Variants in ROBO1 observed in about 807,000 individuals in gnomAD.
ROBO1 encodes the protein roundabout homolog 1.
ROBO1 carries 149 observed loss-of-function variants against 195.9 expected under a neutral mutation model. The observed-to-expected ratio is 0.76, with a 90% confidence interval of 0.67 to 0.87. The LOEUF is 0.87. ROBO1 is among the 40% of genes least tolerant of loss of function. The pLI is 0.00. For synonymous variants in ROBO1, 816 were observed against 733.2 expected (o/e 1.11, Z -1.82); for missense variants, 1,933 against 2,068.3 (o/e 0.93, Z 1.27).
intron 2 of ROBO1, among the ~76,000 whole-genome samples, chr3:79,288,411 T>A (rs1041816003): frequency 1.3e-5 from 2 of 152,104 alleles, no homozygotes; most frequent in Admixed American, 6.5e-5. Flanking sequence ...AAGAAAAAAA[T>A]AAAAAACAGA....
intron 3 of ROBO1, among the ~76,000 whole-genome samples, chr3:79,049,449 A>C (rs1394103856): frequency 6.6e-6 from 1 of 152,234 alleles, no homozygotes; most frequent in African/African-American, 2.4e-5. Flanking sequence ...GATGGAGAGA[A>C]TGAAACCAAG....
chr3:79,468,652 C>T (rs954086247), intron 2 of ROBO1, among the ~76,000 whole-genome samples: 2 of 151,940 alleles, frequency 1.3e-5, no homozygotes, highest in African/African-American at 4.8e-5. Flanking sequence ...TTATTGAGCA[C>T]CTAAAATAAA....
chr3:79,213,278 C>T (rs2081998030), intron 2 of ROBO1, among the ~76,000 whole-genome samples: 1 of 151,964 alleles, frequency 6.6e-6, no homozygotes, highest in South Asian at 2.1e-4. Flanking sequence ...AGCTAAAGCT[C>T]ACCAAGTTAG....
chr3:79,085,970 G>A (rs1021981184), intron 3 of ROBO1, among the ~76,000 whole-genome samples: 1 of 152,048 alleles, frequency 6.6e-6, no homozygotes, highest in East Asian at 1.9e-4. Context: ...TAACTTCTCT[G>A]TTTGTTAATG....
At chr3:79,221,845 C>T (rs989723837) in intron 2 of ROBO1, among the ~76,000 whole-genome samples, 2 of 151,952 alleles carry the variant, frequency 1.3e-5, no homozygotes, top group Admixed American at 6.6e-5. Context: ...TATATATTTG[C>T]TGCAGAAATA....
At chr3:78,881,341 A>C (rs905800958) in intron 4 of ROBO1, among the ~76,000 whole-genome samples, 4 of 152,130 alleles carry the variant, frequency 2.6e-5, no homozygotes, top group Admixed American at 2.6e-4. Context: ...CACCTCATAG[A>C]CTGCGCTTTT....
chr3:79,391,792 T>G (rs1323458478), intron 2 of ROBO1, among the ~76,000 whole-genome samples: 1 of 152,090 alleles, frequency 6.6e-6, no homozygotes, highest in Non-Finnish European at 1.5e-5. Flanking sequence ...ATCATAATTG[T>G]TTTTCTCTAT....
intron 30 of ROBO1, among the ~76,000 whole-genome samples, chr3:78,599,677 A>G (rs1025579009): frequency 7.2e-5 from 11 of 152,212 alleles, no homozygotes; most frequent in Non-Finnish European, 1.6e-4. Context: ...TCAGAAGTGT[A>G]AAGGTGAAGG....
intron 2 of ROBO1, among the ~76,000 whole-genome samples, chr3:79,133,235 T>G (rs1271567487): frequency 7.1e-5 from 5 of 70,038 alleles, no homozygotes; most frequent in African/African-American, 1.2e-4. Context: ...TGGCCTGCCT[T>G]GCTAGATTGG....
At chr3:79,628,420 G>A (rs1945243555) in intron 1 of ROBO1, among the ~76,000 whole-genome samples, 1 of 152,068 alleles carries the variant, frequency 6.6e-6, no homozygotes, top group East Asian at 1.9e-4. Context: ...ACTCATAAGT[G>A]GAAGTTGAAC....
chr3:78,985,808 A>G (rs2077093057), intron 3 of ROBO1, among the ~76,000 whole-genome samples: 1 of 152,174 alleles, frequency 6.6e-6, no homozygotes, highest in South Asian at 2.1e-4. Flanking sequence ...TGCAGACAGT[A>G]ACAAGGCTCG....
At chr3:78,620,562 CT>C (rs1288518979) in intron 26 of ROBO1, among the ~76,000 whole-genome samples, 2 of 152,068 alleles carry the variant, frequency 1.3e-5, no homozygotes, top group African/African-American at 4.8e-5. Flanking sequence ...TGAATTTGAA[CT>C]TTGATAAATC....
At position 78,938,900 on chromosome 3, in the gene ROBO1, G is replaced by A. The variant is rs774472079; in HGVS notation, c.200C>T (p.Pro67Leu). 3 of 1,608,914 alleles carry A rather than the reference G, an allele frequency of 1.9e-6. No individual in the cohort carries two copies. Among genetic ancestry groups the A allele is most frequent in the Non-Finnish European group, 2.5e-6 (3 of 1,176,776 alleles). ...TGSRLRQEDF[P>L]PRIVEHPSDL... ...TGAAGGGTGTTCAACAATGCGAGGT[G>A]GAAAATCTTCCTGACGAAGACGGGA... Residue 67 changes from proline to leucine, a missense_variant, in exon 4 of 31, where the codon CCA (proline) becomes CTA (leucine). By Grantham distance (98) the Pro-to-Leu change is moderately conservative. Transcript: ENST00000464233.
intron 9 of ROBO1, among the ~76,000 whole-genome samples, chr3:78,688,327 A>G (rs1464125024): frequency 1.3e-5 from 2 of 152,182 alleles, no homozygotes; most frequent in African/African-American, 4.8e-5. Context: ...AATTCCAGAT[A>G]CCTGAATAAT....
intron 2 of ROBO1, among the ~76,000 whole-genome samples, chr3:79,530,552 C>A (rs536859338): frequency 6.6e-6 from 1 of 152,190 alleles, no homozygotes; most frequent in South Asian, 2.1e-4. Flanking sequence ...ATTCCATATT[C>A]AACCATAACC....
chr3:79,755,817 C>T (rs1315907215), intron 1 of ROBO1, among the ~76,000 whole-genome samples: 1 of 152,186 alleles, frequency 6.6e-6, no homozygotes, highest in East Asian at 1.9e-4. Context: ...AATTCACGAT[C>T]TCAGCACACA....
intron 2 of ROBO1, among the ~76,000 whole-genome samples, chr3:79,324,229 A>C (rs1351770462): frequency 2.0e-5 from 3 of 152,188 alleles, no homozygotes; most frequent in Non-Finnish European, 4.4e-5. Flanking sequence ...AGGAAGATTA[A>C]TGTGGAGAGT....
chr3:79,609,029 T>C (rs1336337705), intron 1 of ROBO1, among the ~76,000 whole-genome samples: 1 of 151,942 alleles, frequency 6.6e-6, no homozygotes, highest in African/African-American at 2.4e-5. Flanking sequence ...CCATTTGTCC[T>C]TTTGACTTCT....
At chr3:79,167,693 T>C (rs2081093237) in intron 2 of ROBO1, among the ~76,000 whole-genome samples, 1 of 152,246 alleles carries the variant, frequency 6.6e-6, no homozygotes, top group Non-Finnish European at 1.5e-5. Context: ...CAATGACTAG[T>C]AATCTTTCTG....
Sources: gnomAD v4.1 joint callset for allele counts (sites outside exome capture counted in the v4.1 genomes callset) on GRCh38, gnomAD v4.1.1 for gene constraint, MANE v1.5 for transcripts, NCBI Gene and HGNC (gene_info 2026-07-23, HGNC 2026-07-21) for gene names.